GAS7: variants seen among roughly 807,000 people sequenced by gnomAD.
The protein encoded by GAS7 is growth arrest specific 7, also known as growth arrest-specific protein 7.
Under a neutral mutation model 71.1 loss-of-function variants are expected in GAS7, and 28 were observed. The ratio of observed to expected loss-of-function variants is 0.39; its 90% CI spans 0.29 to 0.54. GAS7 has a LOEUF of 0.54. Among genes scored for constraint, GAS7 ranks in the 20% least tolerant of loss-of-function variants. The pLI is 0.62. For synonymous variants in GAS7, 258 were observed against 245.8 expected, an observed-to-expected ratio of 1.05 and a Z score of -0.46; for missense variants, 436 against 627.8, an observed-to-expected ratio of 0.69 and a Z score of 3.27.
chr17:10,091,648 A>C (rs1431247835), intron 1 of GAS7, among the ~76,000 whole-genome samples: 4 of 152,060 alleles, frequency 2.6e-5, no homozygotes, highest in African/African-American at 9.7e-5. Flanking sequence ...GGTCTCCCAA[A>C]GTGCTAGGAT....
chr17:10,137,811 G>C (rs1313770069), intron 1 of GAS7, among the ~76,000 whole-genome samples: 8 of 152,106 alleles, frequency 5.3e-5, no homozygotes, highest in Admixed American at 3.3e-4. Context: ...AAAGTGCTGG[G>C]ATTACAAGCG....
chr17:10,091,568 A>G (rs953863551), intron 1 of GAS7, among the ~76,000 whole-genome samples: 3 of 152,006 alleles, frequency 2.0e-5, no homozygotes, highest in Non-Finnish European at 4.4e-5. Context: ...TTGTATTTTT[A>G]GTAGAGATGG....
intron 4 of GAS7, among the ~76,000 whole-genome samples, chr17:9,963,782 C>G (rs2069596788): frequency 6.6e-6 from 1 of 152,064 alleles, no homozygotes; most frequent in Non-Finnish European, 1.5e-5. Context: ...ATTGAGGAAT[C>G]TGGAGTGTAT....
intron 4 of GAS7, among the ~76,000 whole-genome samples, chr17:9,963,554 T>C (rs1054450965): frequency 2.0e-5 from 3 of 151,908 alleles, no homozygotes; most frequent in Non-Finnish European, 4.4e-5. Context: ...GATCCTGGAC[T>C]GGGGAGAAAA....
At chr17:10,029,875 A>T (rs1052126955) in intron 1 of GAS7, among the ~76,000 whole-genome samples, 8 of 151,740 alleles carry the variant, frequency 5.3e-5, no homozygotes, top group East Asian at 1.9e-4. Flanking sequence ...TAATAATAAT[A>T]ATTATAATTA....
intron 1 of GAS7, among the ~76,000 whole-genome samples, chr17:10,047,371 G>T (rs2072992503): frequency 6.6e-6 from 1 of 152,186 alleles, no homozygotes; most frequent in African/African-American, 2.4e-5. Context: ...CTGAGAGATG[G>T]GTGCACCATC....
intron 1 of GAS7, among the ~76,000 whole-genome samples, chr17:10,042,548 T>C (rs530545328): frequency 1.3e-5 from 2 of 152,164 alleles, no homozygotes; most frequent in Non-Finnish European, 2.9e-5. Flanking sequence ...GTATTGTATG[T>C]AGGACCTGAC....
chr17:9,987,691 T>C (rs1029067593), intron 2 of GAS7, among the ~76,000 whole-genome samples: 3 of 152,268 alleles, frequency 2.0e-5, no homozygotes, highest in Non-Finnish European at 4.4e-5. Context: ...TTGAAGACTA[T>C]GTAAATCTGA....
chr17:9,986,989 C>A (rs2070674336), intron 2 of GAS7, among the ~76,000 whole-genome samples: 1 of 152,124 alleles, frequency 6.6e-6, no homozygotes. Flanking sequence ...CCATACTACC[C>A]ACAGGGAGGA....
chr17:10,100,870 G>A (rs1271587653), intron 1 of GAS7, among the ~76,000 whole-genome samples: 1 of 152,160 alleles, frequency 6.6e-6, no homozygotes, highest in Non-Finnish European at 1.5e-5. Context: ...TAAAACAGAG[G>A]GATGCAAAGC....
At chr17:10,020,049 C>A (rs756812262) in intron 1 of GAS7, 152 bp from the exon 2 acceptor site, 14 of 682,402 alleles carry the variant, frequency 2.1e-5, no homozygotes, top group African/African-American at 1.4e-4. Context: ...GCAGCACACA[C>A]GTGACCTCCG....
At chr17:10,195,669 G>A (rs953587552) in intron 1 of GAS7, among the ~76,000 whole-genome samples, 1 of 152,146 alleles carries the variant, frequency 6.6e-6, no homozygotes, top group Admixed American at 6.5e-5. Context: ...GCCATCTCCA[G>A]TATCTATGGG....
chr17:9,928,123 A>ATTTT (rs912026375), intron 9 of GAS7, among the ~76,000 whole-genome samples: 13 of 149,056 alleles, frequency 8.7e-5, no homozygotes, highest in African/African-American at 3.2e-4. Flanking sequence ...TTATTTATTT[A>ATTTT]TTTTTTTGAG....
chr17:10,001,645 T>C (rs1334597422), intron 2 of GAS7, among the ~76,000 whole-genome samples: 1 of 152,126 alleles, frequency 6.6e-6, no homozygotes, highest in African/African-American at 2.4e-5. Context: ...TTCAGGATTC[T>C]GGAAATGCAA....
chr17:10,083,894 A>AATC (rs1241962949), intron 1 of GAS7, among the ~76,000 whole-genome samples: 1 of 152,240 alleles, frequency 6.6e-6, no homozygotes, highest in Non-Finnish European at 1.5e-5. Flanking sequence ...GGTAGGGATC[A>AATC]ATCAGAGGAA....
intron 5 of GAS7, among the ~76,000 whole-genome samples, chr17:9,949,586 GA>G: frequency 1.3e-5 from 2 of 152,190 alleles, no homozygotes; most frequent in Middle Eastern, 6.8e-3. Context: ...ACAAAAGAAG[GA>G]GCCTCCTCCT....
In GAS7 at chr17:10,078,085, T is replaced by TG. The variant is rs1219563114; in HGVS notation, c.184-58189_184-58188insC. On this transcript the variant is annotated intron_variant, in intron 1 of 13. Transcript: ENST00000432992. Reference sequence around the variant, plus strand: ...TGTGTGTGTGTGTGTGTGTGTTTTGTTTTGTTTTGTTTTGTTTTGTTTTGG... The same window carrying TG: ...TGTGTGTGTGTGTGTGTGTGTTTTGTGTTTGTTTTGTTTTGTTTTGTTTTGG... 1.3e-4 allele frequency among the ~76,000 whole-genome samples: 19 copies of TG among 143,514 alleles called. No individual in the cohort carries two copies. In the South Asian group the frequency reaches 2.6e-3, roughly 20 times the overall value. 94.2% of individuals were successfully genotyped at this position (143,514 alleles called of 152,430 possible).
intron 5 of GAS7, among the ~76,000 whole-genome samples, chr17:9,955,901 C>T (rs1471582017): frequency 6.6e-6 from 1 of 152,218 alleles, no homozygotes; most frequent in African/African-American, 2.4e-5. Flanking sequence ...CCCATCGCTC[C>T]CCAGCTGCTG....
At position 10,132,747 on chromosome 17, in the gene GAS7, G is replaced by A. The variant is rs546784591; in HGVS notation, c.183+65461C>T. Among the ~76,000 whole-genome samples the A allele has an allele frequency of 1.9e-3, 259 of 132,864 alleles. 1 individual carries two copies. Among genetic ancestry groups the A allele is most frequent in the Non-Finnish European group, 3.0e-3 (187 of 62,602 alleles). 87.2% of individuals were successfully genotyped at this position (132,864 alleles called of 152,430 possible). ...TGTACCAGTCTGGGCGACAGAGTAA[G>A]ACCCTGTCTCAACTAAAAAAAAAAA... On this transcript the variant is annotated intron_variant, in intron 1 of 13. Transcript: ENST00000432992.
Sources: gnomAD v4.1 joint callset for allele counts (sites outside exome capture counted in the v4.1 genomes callset) on GRCh38, gnomAD v4.1.1 for gene constraint, MANE v1.5 for transcripts, NCBI Gene and HGNC (gene_info 2026-07-23, HGNC 2026-07-21) for gene names.